Variants in APH1B observed in about 807,000 individuals in gnomAD.
APH1B encodes aph-1B gamma-secretase subunit, also known as gamma-secretase subunit APH-1B.
APH1B carries 27 observed loss-of-function variants against 28.2 expected under a neutral mutation model. The ratio of observed to expected loss-of-function variants is 0.96; its 90% CI spans 0.70 to 1.32. The LOEUF (loss-of-function observed/expected upper bound fraction) is 1.32, where lower values mean the gene tolerates loss of function less well. APH1B is among the 40% of genes most tolerant of loss of function. The pLI is 0.00. For synonymous variants in APH1B, 141 were observed against 124.6 expected, an observed-to-expected ratio of 1.13 and a Z score of -0.88; for missense variants, 305 against 313.6, an observed-to-expected ratio of 0.97 and a Z score of 0.21.
intron 5 of APH1B, among the ~76,000 whole-genome samples, chr15:63,303,026 G>T (rs1274255688): frequency 6.6e-6 from 1 of 152,172 alleles, no homozygotes; most frequent in African/African-American, 2.4e-5. Context: ...TAAAAGGAAA[G>T]AACCTAGGAA....
At position 63,306,609 on chromosome 15, in the gene APH1B, A is replaced by C. The variant is rs2038690511; in HGVS notation, c.*828A>C. ...CCCAAGGCCGTTGGCTGCAGCGTTC[A>C]CCATCTGAGTGCCAGTTGCTGGACT... On this transcript the variant is annotated 3_prime_UTR_variant, in exon 6 of 6. Transcript: ENST00000261879. 6.6e-6 allele frequency: 1 copy of C among 152,258 alleles called. No individual in the cohort carries two copies. The highest frequency in any genetic ancestry group is 1.5e-5 in the Non-Finnish European group (1 of 68,074). The allele number at this position is 152,258 out of a possible 1,614,324, so 9.4% of individuals were successfully genotyped here. A position where few individuals can be genotyped will look rare whatever the true frequency, so the allele number is the denominator to read the frequency against.
chr15:63,297,835 G>A (rs1201673010), intron 4 of APH1B, among the ~76,000 whole-genome samples: 20 of 152,142 alleles, frequency 1.3e-4, no homozygotes, highest in African/African-American at 2.4e-5. Flanking sequence ...AGTAAATCCC[G>A]GCATTCTAAC....
At chr15:63,290,247 A>G (rs1430144473) in intron 4 of APH1B, among the ~76,000 whole-genome samples, 1 of 152,188 alleles carries the variant, frequency 6.6e-6, no homozygotes, top group African/African-American at 2.4e-5. Context: ...TAGTTTATAA[A>G]TAATGTTTAT....
intron 5 of APH1B, among the ~76,000 whole-genome samples, chr15:63,303,874 AACAC>A (rs113837395): frequency 0.036 from 5,175 of 145,666 alleles, 130 homozygotes; most frequent in East Asian, 0.11. Context: ...ACACACACAC[AACAC>A]ACACACACAC....
At chr15:63,290,591 A>G (rs924029038) in intron 4 of APH1B, among the ~76,000 whole-genome samples, 1 of 152,272 alleles carries the variant, frequency 6.6e-6, no homozygotes, top group African/African-American at 2.4e-5. Flanking sequence ...TCAATGCTAC[A>G]GTGAAATGAG....
chr15:63,300,116 A>G (rs1595764424), intron 4 of APH1B, among the ~76,000 whole-genome samples: 1 of 152,164 alleles, frequency 6.6e-6, no homozygotes, highest in African/African-American at 2.4e-5. Flanking sequence ...CACCTATTCC[A>G]GTTTGTGCTG....
At chr15:63,300,063 A>G (rs1274184007) in intron 4 of APH1B, among the ~76,000 whole-genome samples, 1 of 152,140 alleles carries the variant, frequency 6.6e-6, no homozygotes, top group Non-Finnish European at 1.5e-5. Context: ...AGGGAGTTTT[A>G]GCATTGTAAA....
At chr15:63,294,528 C>A (rs1376337045) in intron 4 of APH1B, among the ~76,000 whole-genome samples, 1 of 152,208 alleles carries the variant, frequency 6.6e-6, no homozygotes, top group East Asian at 1.9e-4. Context: ...TCGTAAGGTT[C>A]ACGTCAGGGT....
chr15:63,304,006 C>T lies in APH1B; in HGVS notation c.606+1534C>T, dbSNP rs537139500. 2.6e-5 allele frequency among the ~76,000 whole-genome samples: 4 copies of T among 152,240 alleles called. No homozygotes were observed. The highest frequency in any genetic ancestry group is 9.6e-5 in the African/African-American group (4 of 41,540). On this transcript the variant is annotated intron_variant, in intron 5 of 5. Coordinates refer to ENST00000261879, the MANE Select transcript of APH1B (RefSeq NM_031301.4). The surrounding 1 kb of genome is among the most constrained non-coding windows in gnomAD (Gnocchi z 5.1). ...TCAATTTTCAGAGTGATGGTATCAC[C>T]TTACACTCTGCCATCAGTTTACAAG...
chr15:63,293,886 T>G (rs1003559772), intron 4 of APH1B, among the ~76,000 whole-genome samples: 1 of 151,844 alleles, frequency 6.6e-6, no homozygotes, highest in Non-Finnish European at 1.5e-5. Context: ...CACTTCAGCC[T>G]CAAGTAGCTG....
rs756693973 is a variant in APH1B at position 63,305,615 on chromosome 15, C to A, written c.608C>A (p.Thr203Asn). 1 of 1,614,002 alleles carries A rather than the reference C, an allele frequency of 6.2e-7. No homozygotes were observed. Among genetic ancestry groups the A allele is most frequent in the Non-Finnish European group, 8.5e-7 (1 of 1,179,992 alleles). The change falls in exon 6 of 6, where the codon ACC becomes AAC. Residue 203 changes from threonine (T) to asparagine (N), a missense_variant and splice_region_variant. Coordinates refer to ENST00000261879, the MANE Select transcript of APH1B (RefSeq NM_031301.4). ...AGCTGATTTATTTTTCTTTTGCAGA[C>A]CTTCATAAGTTCTTATTATGGAATA... ...LLTHLLVSAQTFISSYYGINL... is the reference protein window; with the variant it reads ...LLTHLLVSAQNFISSYYGINL...
At chr15:63,287,206 C>G in intron 3 of APH1B, 1 of 518,232 alleles carries the variant, frequency 1.9e-6, no homozygotes, top group Non-Finnish European at 3.4e-6. Flanking sequence ...TTTCATTACT[C>G]TGCTGCATTC....
chr15:63,300,556 C>G (rs2038615840), intron 4 of APH1B, among the ~76,000 whole-genome samples: 1 of 152,318 alleles, frequency 6.6e-6, no homozygotes, highest in Admixed American at 6.5e-5. Flanking sequence ...TCTCAGCTCC[C>G]CGCCGTCACC....
At chr15:63,287,586 T>G (rs1347340405) in intron 4 of APH1B, 40 bp downstream of exon 4, 1 of 1,603,272 alleles carries the variant, frequency 6.2e-7, no homozygotes, top group Non-Finnish European at 8.5e-7. Context: ...GCTTCTAGTC[T>G]AAATGATCAT....
chr15:63,305,525 G>A, intron 5 of APH1B, 89 bp from the exon 6 acceptor site: 1 of 1,471,574 alleles, frequency 6.8e-7, no homozygotes, highest in Non-Finnish European at 9.3e-7. Context: ...GTTCTTGAAA[G>A]TATTCCATGC....
At position 63,305,654 on chromosome 15, in the gene APH1B, C is replaced by T. The variant is rs757458572; in HGVS notation, c.647C>T (p.Ala216Val). 1.9e-6 allele frequency: 3 copies of T among 1,614,214 alleles called. No individual in the cohort carries two copies. In the East Asian group the frequency reaches 6.7e-5, roughly 36 times the overall value. ...TATTATGGAATAAACCTGGCGTCAG[C>T]ATTTATAATCCTGGTGCTCATGGGC... ...SSYYGINLAS[A>V]FIILVLMGTW... Residue 216 changes from alanine (A) to valine (V), a missense_variant, in exon 6 of 6, where the codon GCA becomes GTA. By Grantham distance (64) the Ala-to-Val change is moderately conservative (BLOSUM62 0). Coordinates refer to ENST00000261879, the MANE Select transcript of APH1B (RefSeq NM_031301.4).
At chr15:63,287,037 G>A (rs1255397893) in intron 3 of APH1B, 4 of 222,706 alleles carry the variant, frequency 1.8e-5, no homozygotes, top group African/African-American at 9.2e-5. Context: ...CCCCACTTGG[G>A]CTCAGGAATA....
At chr15:63,286,340 G>A (rs1048224198) in intron 2 of APH1B, among the ~76,000 whole-genome samples, 7 of 152,018 alleles carry the variant, frequency 4.6e-5, no homozygotes, top group African/African-American at 1.7e-4. Flanking sequence ...TCTTTTATGG[G>A]AATGTCAAAA....
At chr15:63,293,658 C>T (rs2152597848) in intron 4 of APH1B, among the ~76,000 whole-genome samples, 1 of 152,264 alleles carries the variant, frequency 6.6e-6, no homozygotes, top group Middle Eastern at 3.4e-3. Context: ...CCACCCTGCG[C>T]AGCTGATTTT....
Sources: allele counts gnomAD v4.1 joint callset (sites outside exome capture counted in the v4.1 genomes callset), GRCh38; gene constraint gnomAD v4.1.1; non-coding constraint Gnocchi (gnomAD v3.1); transcripts MANE v1.5; gene names NCBI Gene and HGNC (gene_info 2026-07-23, HGNC 2026-07-21).